The following NALF1 variants were observed in gnomAD, a reference collection of about 807,000 sequenced individuals.
The protein encoded by NALF1 is NALCN channel auxiliary factor 1.
Under a neutral mutation model 48.4 loss-of-function variants are expected in NALF1, and 3 were observed. The observed-to-expected ratio is 0.06, with a 90% CI of 0.03 to 0.16. The LOEUF (loss-of-function observed/expected upper bound fraction) is 0.16, where lower values mean the gene tolerates loss of function less well. Ranked by LOEUF, NALF1 falls within the 10% of genes least tolerant of loss-of-function variation. The probability of loss-of-function intolerance (pLI) is 1.00; values close to 1 mark genes in which losing one functional copy is unlikely to be tolerated. For missense variants in NALF1, 526 were observed against 571.5 expected (o/e 0.92, Z 0.81); for synonymous variants, 262 against 245.7 (o/e 1.07, Z -0.62).
chr13:107,695,843 T>C (rs1033198879), intron 1 of NALF1, among the ~76,000 whole-genome samples: 1 of 151,958 alleles, frequency 6.6e-6, no homozygotes, highest in Admixed American at 6.6e-5. Flanking sequence ...TTTTGTCCAA[T>C]GAATTAGTAC....
At chr13:107,291,985 A>AAG (rs1566476380) in intron 1 of NALF1, among the ~76,000 whole-genome samples, 1 of 152,208 alleles carries the variant, frequency 6.6e-6, no homozygotes, top group African/African-American at 2.4e-5. Context: ...TCCTATTGAT[A>AAG]CACAGTCATG....
chr13:107,183,290 G>T (rs1357177675), intron 2 of NALF1, among the ~76,000 whole-genome samples: 1 of 152,196 alleles, frequency 6.6e-6, no homozygotes, highest in South Asian at 2.1e-4. Context: ...CAGTGCACAC[G>T]TTGGTCTACT....
intron 2 of NALF1, among the ~76,000 whole-genome samples, chr13:107,204,209 C>T (rs1164010808): frequency 6.6e-6 from 1 of 152,196 alleles, no homozygotes; most frequent in Non-Finnish European, 1.5e-5. Context: ...CAAGTGTCAC[C>T]CAGGTGAGCT....
At chr13:107,782,307 G>A (rs985789914) in intron 1 of NALF1, among the ~76,000 whole-genome samples, 2 of 152,186 alleles carry the variant, frequency 1.3e-5, no homozygotes, top group African/African-American at 2.4e-5. Context: ...CGCCAGCCTC[G>A]GCCTCCGGAG....
intron 1 of NALF1, among the ~76,000 whole-genome samples, chr13:107,390,581 A>G (rs1474562080): frequency 6.6e-6 from 1 of 152,092 alleles, no homozygotes; most frequent in Non-Finnish European, 1.5e-5. Context: ...GCTCCATCTC[A>G]AAAACAAAAA....
intron 1 of NALF1, among the ~76,000 whole-genome samples, chr13:107,699,925 TATTA>T (rs1881781206): frequency 6.6e-6 from 1 of 151,894 alleles, no homozygotes; most frequent in African/African-American, 2.4e-5. Context: ...AAAGCAAAAA[TATTA>T]ATTATGAATA....
intron 1 of NALF1, among the ~76,000 whole-genome samples, chr13:107,650,361 C>G (rs564152555): frequency 6.4e-5 from 8 of 124,736 alleles, no homozygotes; most frequent in African/African-American, 2.4e-4. Flanking sequence ...TCTTGGCCAA[C>G]GTTGCCATTT....
intron 1 of NALF1, among the ~76,000 whole-genome samples, chr13:107,387,948 T>G (rs548866603): frequency 6.6e-6 from 1 of 152,344 alleles, no homozygotes; most frequent in East Asian, 1.9e-4. Flanking sequence ...TTCTCACTCA[T>G]TAAAATGTAC....
intron 1 of NALF1, among the ~76,000 whole-genome samples, chr13:107,287,974 C>T (rs1881532225): frequency 6.6e-6 from 1 of 151,986 alleles, no homozygotes; most frequent in Non-Finnish European, 1.5e-5. Flanking sequence ...TCCCAAAGTG[C>T]TGGGATTACA....
chr13:107,573,787 G>C (rs1878056306), intron 1 of NALF1, among the ~76,000 whole-genome samples: 2 of 152,112 alleles, frequency 1.3e-5, no homozygotes, highest in African/African-American at 2.4e-5. Flanking sequence ...TTTTATAAAG[G>C]GGAGTTCCTC....
intron 1 of NALF1, among the ~76,000 whole-genome samples, chr13:107,757,091 A>G (rs1195444325): frequency 6.6e-6 from 1 of 152,236 alleles, no homozygotes. Flanking sequence ...TTGCTCATAC[A>G]AGCTTCTGAT....
intron 1 of NALF1, among the ~76,000 whole-genome samples, chr13:107,577,508 C>T (rs1269921091): frequency 6.6e-6 from 1 of 152,056 alleles, no homozygotes; most frequent in Non-Finnish European, 1.5e-5. Context: ...GTAGAAAACC[C>T]CAAAACTAGG....
chr13:107,569,465 C>A (rs1877920530), intron 1 of NALF1, among the ~76,000 whole-genome samples: 1 of 151,758 alleles, frequency 6.6e-6, no homozygotes, highest in Non-Finnish European at 1.5e-5. Context: ...CAGCGAGACT[C>A]CGTCTCAAAA....
intron 2 of NALF1, among the ~76,000 whole-genome samples, chr13:107,204,673 T>C (rs764122323): frequency 1.3e-5 from 2 of 152,222 alleles, no homozygotes; most frequent in African/African-American, 2.4e-5. Flanking sequence ...CACGAACATA[T>C]GAAGTTACTA....
At chr13:107,229,903 T>C (rs1036234912) in intron 1 of NALF1, among the ~76,000 whole-genome samples, 26 of 152,274 alleles carry the variant, frequency 1.7e-4, no homozygotes, top group Admixed American at 1.2e-3. Context: ...AAGCTTCCAG[T>C]GCAAGAGGTA....
chr13:107,509,042 T>G (rs2139085600), intron 1 of NALF1, among the ~76,000 whole-genome samples: 1 of 152,284 alleles, frequency 6.6e-6, no homozygotes, highest in East Asian at 1.9e-4. Context: ...GTAAATTCAA[T>G]TATAAATTTG....
At chr13:107,653,429 G>A (rs1478709306) in intron 1 of NALF1, among the ~76,000 whole-genome samples, 1 of 151,874 alleles carries the variant, frequency 6.6e-6, no homozygotes, top group Non-Finnish European at 1.5e-5. Flanking sequence ...TTAGTCCCTA[G>A]TCATCTAACA....
At chr13:107,186,033 C>T (rs546015920) in intron 2 of NALF1, among the ~76,000 whole-genome samples, 19 of 152,254 alleles carry the variant, frequency 1.2e-4, no homozygotes, top group African/African-American at 2.6e-4. Flanking sequence ...AGATCTTATG[C>T]CATCCTGCTC....
At chr13:107,413,874 C>G (rs1165876183) in intron 1 of NALF1, among the ~76,000 whole-genome samples, 1 of 152,140 alleles carries the variant, frequency 6.6e-6, no homozygotes, top group Non-Finnish European at 1.5e-5. Flanking sequence ...GTAACCTCTG[C>G]TTCTTGGGTT....
Sources: gnomAD v4.1 joint callset for allele counts (sites outside exome capture counted in the v4.1 genomes callset) on GRCh38, gnomAD v4.1.1 for gene constraint, MANE v1.5 for transcripts, NCBI Gene and HGNC (gene_info 2026-07-23, HGNC 2026-07-21) for gene names.